GABRB1: variants seen among roughly 807,000 people sequenced by gnomAD.
GABRB1 encodes the protein gamma-aminobutyric acid receptor subunit beta-1.
GABRB1 carries 17 observed loss-of-function variants against 51.6 expected under a neutral mutation model. The observed-to-expected ratio is 0.33, with a 90% CI of 0.23 to 0.49. The LOEUF (loss-of-function observed/expected upper bound fraction) is 0.49. Ranked by LOEUF, GABRB1 falls within the 20% of genes least tolerant of loss-of-function variation. GABRB1 has a pLI of 0.99. For missense variants in GABRB1, 410 were observed against 600.6 expected, an observed-to-expected ratio of 0.68 and a Z score of 3.32; for synonymous variants, 247 against 218.9, an observed-to-expected ratio of 1.13 and a Z score of -1.14.
At chr4:47,295,965 A>T (rs1301704381) in intron 4 of GABRB1, among the ~76,000 whole-genome samples, 1 of 152,128 alleles carries the variant, frequency 6.6e-6, no homozygotes, top group Non-Finnish European at 1.5e-5. Context: ...AACATTCTTA[A>T]AGAAAAGAAT....
chr4:47,109,568 C>T (rs574739017), intron 3 of GABRB1, among the ~76,000 whole-genome samples: 2 of 152,032 alleles, frequency 1.3e-5, no homozygotes, highest in African/African-American at 4.8e-5. Context: ...CAAGGGAGAC[C>T]TATAGGTGGC....
At chr4:47,156,290 T>G (rs887233396) in intron 3 of GABRB1, among the ~76,000 whole-genome samples, 2 of 152,032 alleles carry the variant, frequency 1.3e-5, no homozygotes, top group African/African-American at 4.8e-5. Flanking sequence ...CTCATTGTGG[T>G]TTTGATTTGC....
At chr4:47,303,920 G>C (rs763984143) in intron 4 of GABRB1, among the ~76,000 whole-genome samples, 1 of 151,860 alleles carries the variant, frequency 6.6e-6, no homozygotes, top group African/African-American at 2.4e-5. Flanking sequence ...GGCATTTGTC[G>C]TTCTGTGCTG....
chr4:47,193,129 TTG>T (rs1433642707), intron 4 of GABRB1, among the ~76,000 whole-genome samples: 3 of 110,674 alleles, frequency 2.7e-5, no homozygotes, highest in East Asian at 4.0e-4. Context: ...GTGTTTTTTG[TTG>T]TTGTTGTTGT....
At chr4:47,120,465 C>T (rs951849608) in intron 3 of GABRB1, among the ~76,000 whole-genome samples, 4 of 152,104 alleles carry the variant, frequency 2.6e-5, no homozygotes, top group Non-Finnish European at 5.9e-5. Context: ...TGCTTTACCT[C>T]GCTGCAGCTG....
chr4:47,382,403 T>C (rs942413494), intron 5 of GABRB1, among the ~76,000 whole-genome samples: 21 of 152,320 alleles, frequency 1.4e-4, no homozygotes, highest in Admixed American at 1.0e-3. Flanking sequence ...ATCACTGTTG[T>C]AGACCCACCC....
chr4:47,244,311 C>A (rs150784346), intron 4 of GABRB1, among the ~76,000 whole-genome samples: 1 of 152,110 alleles, frequency 6.6e-6, no homozygotes, highest in Non-Finnish European at 1.5e-5. Context: ...ATTTTTGCAT[C>A]GATGTTCATC....
chr4:47,048,718 A>T (rs1156439517), intron 3 of GABRB1, among the ~76,000 whole-genome samples: 2 of 152,128 alleles, frequency 1.3e-5, no homozygotes, highest in African/African-American at 2.4e-5. Context: ...TTCACAGATA[A>T]AGAACTGAGT....
chr4:47,349,940 G>C (rs1490185380), intron 5 of GABRB1, among the ~76,000 whole-genome samples: 1 of 151,756 alleles, frequency 6.6e-6, no homozygotes, highest in Non-Finnish European at 1.5e-5. Flanking sequence ...ACATATAGTG[G>C]TCTTTGCTTC....
chr4:47,014,530 C>T (rs552223628), intron 1 of GABRB1, among the ~76,000 whole-genome samples: 2 of 152,228 alleles, frequency 1.3e-5, no homozygotes, highest in African/African-American at 4.8e-5. Flanking sequence ...CCCCTCTCTC[C>T]CCACCAGCCT....
At position 47,019,357 on chromosome 4, in the gene GABRB1, C is replaced by T. The variant is rs546796504; in HGVS notation, c.-19-12557C>T. Reference sequence around the variant, plus strand: ...TCAAAAGTTTGAAAACCCCAGCATACCTGGAATTTCCTTCCTTTTCTACCT... The same window carrying T: ...TCAAAAGTTTGAAAACCCCAGCATATCTGGAATTTCCTTCCTTTTCTACCT... On this transcript the variant is annotated intron_variant, in intron 1 of 3. Transcript: ENST00000513567. Among the ~76,000 whole-genome samples the T allele has an allele frequency of 4.0e-4, 61 of 152,240 alleles. 3 individuals carry two copies. In the South Asian group the frequency reaches 0.011, roughly 28 times the overall value.
At chr4:47,220,000 C>T (rs756083138) in intron 4 of GABRB1, among the ~76,000 whole-genome samples, 15 of 151,986 alleles carry the variant, frequency 9.9e-5, no homozygotes, top group Admixed American at 4.6e-4. Context: ...AAATTTCTGC[C>T]ATTTCAACTT....
In GABRB1 at chr4:47,280,019, T is replaced by A. The variant is rs1180208072; in HGVS notation, c.462-40108T>A. Among the ~76,000 whole-genome samples, 7 of 152,180 alleles carry A rather than the reference T, an allele frequency of 4.6e-5. No individual in the cohort carries two copies. In the East Asian group the frequency reaches 1.4e-3, roughly 29 times the overall value. The stretch of plus-strand genomic sequence containing the variant: ...TAACAATTAACATTTTAGGACTTAC[T>A]ATTGGCATTTTGTTAATTGTTTCTG... On this transcript the variant is annotated intron_variant, in intron 4 of 8. Transcript: ENST00000295454.
intron 4 of GABRB1, among the ~76,000 whole-genome samples, chr4:47,162,669 G>C (rs986509714): frequency 6.6e-6 from 1 of 151,998 alleles, no homozygotes; most frequent in African/African-American, 2.4e-5. Flanking sequence ...GGAATAATAA[G>C]GTAATGGCAG....
chr4:47,035,573 C>T lies in GABRB1; in HGVS notation c.240+3089C>T, dbSNP rs1473377004. Among the ~76,000 whole-genome samples, 10 of 152,164 alleles carry T rather than the reference C, an allele frequency of 6.6e-5. 1 individual carries two copies. The East Asian group carries it at 1.9e-3, about 29-fold the overall frequency. ...TTTCTAAACTGTCATCTTAAAAAAC[C>T]ACCATGATTTCCATTTATATATTAT... On this transcript the variant is annotated intron_variant, in intron 3 of 8. Coordinates refer to ENST00000295454, the MANE Select transcript of GABRB1 (RefSeq NM_000812.4).
At chr4:47,007,154 G>A (rs1378171998) in intron 1 of GABRB1, among the ~76,000 whole-genome samples, 1 of 142,242 alleles carries the variant, frequency 7.0e-6, no homozygotes, top group African/African-American at 2.6e-5. Flanking sequence ...AAAAAAAAAA[G>A]AAAAAGAAAA....
intron 4 of GABRB1, among the ~76,000 whole-genome samples, chr4:47,302,264 A>G (rs1724289270): frequency 6.6e-6 from 1 of 152,126 alleles, no homozygotes; most frequent in Admixed American, 6.6e-5. Context: ...TAGTTGCTGT[A>G]TTAAATGTAG....
intron 3 of GABRB1, among the ~76,000 whole-genome samples, chr4:47,080,194 A>AGCATTCTG (rs1727765943): frequency 6.6e-6 from 1 of 152,034 alleles, no homozygotes; most frequent in Non-Finnish European, 1.5e-5. Flanking sequence ...TCAAAGGCAA[A>AGCATTCTG]GCATTCTGGG....
chr4:47,219,464 GC>G (rs1720688006), intron 4 of GABRB1, among the ~76,000 whole-genome samples: 1 of 151,862 alleles, frequency 6.6e-6, no homozygotes, highest in Admixed American at 6.6e-5. Flanking sequence ...CTTCTAACCT[GC>G]TTCTATTTGT....
Sources: allele counts gnomAD v4.1 joint callset (sites outside exome capture counted in the v4.1 genomes callset), GRCh38; gene constraint gnomAD v4.1.1; transcripts MANE v1.5; gene names NCBI Gene and HGNC (gene_info 2026-07-23, HGNC 2026-07-21).